Variants in PARD3B observed in about 807,000 individuals in gnomAD.
PARD3B encodes the protein par-3 family cell polarity regulator beta.
Under a neutral mutation model 130.2 loss-of-function variants are expected in PARD3B, and 103 were observed. That is an observed-to-expected ratio of 0.79 (90% confidence interval 0.67 to 0.93). The LOEUF (loss-of-function observed/expected upper bound fraction) is 0.93. Among genes scored for constraint, PARD3B ranks in the 40% least tolerant of loss-of-function variants. PARD3B has a pLI of 0.00. For missense variants in PARD3B, 1,609 were observed against 1,499.2 expected (o/e 1.07, Z -1.21); for synonymous variants, 583 against 553.2 (o/e 1.05, Z -0.76).
chr2:205,206,356 TCCCTCCC>T (rs1412702367), intron 15 of PARD3B, among the ~76,000 whole-genome samples: 1 of 140,786 alleles, frequency 7.1e-6, no homozygotes, highest in Non-Finnish European at 1.5e-5. Flanking sequence ...CCCGATGCTA[TCCCTCCC>T]CCCTCCCCCA....
In PARD3B at chr2:205,176,340, C is replaced by T. The variant is rs1400775387; in HGVS notation, c.1792-105C>T. On this transcript the variant is annotated intron_variant, in intron 12 of 22. Transcript: ENST00000406610. This position sits in a 1 kb window ranked among gnomAD's most constrained non-coding sequence, Gnocchi z 5.3. Reference sequence around the variant, plus strand: ...CAGTTGAGGACTTAAGTGTAATAGACTCTTGAAAGACTATTCATACAGCGA... The same window carrying T: ...CAGTTGAGGACTTAAGTGTAATAGATTCTTGAAAGACTATTCATACAGCGA... 2.8e-5 allele frequency: 32 copies of T among 1,156,036 alleles called. No homozygotes were observed. In the East Asian group the frequency reaches 8.2e-4, roughly 30 times the overall value. 71.6% of individuals were successfully genotyped at this position (1,156,036 alleles called of 1,614,324 possible).
chr2:204,630,475 G>T (rs775709931), intron 1 of PARD3B, among the ~76,000 whole-genome samples: 9 of 151,940 alleles, frequency 5.9e-5, no homozygotes, highest in Non-Finnish European at 1.0e-4. Context: ...ATCTCATCTT[G>T]CATCTAGATA....
intron 1 of PARD3B, among the ~76,000 whole-genome samples, chr2:204,599,673 C>A (rs953039246): frequency 1.3e-5 from 2 of 151,680 alleles, no homozygotes; most frequent in East Asian, 1.9e-4. Context: ...CTCTTTGATA[C>A]ACTGATTTCC....
intron 1 of PARD3B, among the ~76,000 whole-genome samples, chr2:204,658,300 C>T (rs2035700810): frequency 6.6e-6 from 1 of 152,102 alleles, no homozygotes; most frequent in African/African-American, 2.4e-5. Flanking sequence ...GGATTGAGTA[C>T]TAGGCATGGA....
At chr2:205,384,942 A>G (rs1425702406) in intron 18 of PARD3B, among the ~76,000 whole-genome samples, 1 of 152,014 alleles carries the variant, frequency 6.6e-6, no homozygotes, top group Non-Finnish European at 1.5e-5. Context: ...AGAAACATTC[A>G]CTAGACTATA....
chr2:204,894,015 T>C (rs1480854384), intron 2 of PARD3B, among the ~76,000 whole-genome samples: 2 of 152,104 alleles, frequency 1.3e-5, no homozygotes, highest in African/African-American at 2.4e-5. Flanking sequence ...CTGTGTCCCT[T>C]TCAAAGACAC....
At chr2:205,331,829 C>G (rs1170979801) in intron 18 of PARD3B, among the ~76,000 whole-genome samples, 2 of 136,670 alleles carry the variant, frequency 1.5e-5, no homozygotes, top group Non-Finnish European at 3.1e-5. Context: ...TATATTTGGC[C>G]AGGCACAGTG....
intron 2 of PARD3B, among the ~76,000 whole-genome samples, chr2:204,796,052 A>AGGT (rs1172419528): frequency 5.9e-5 from 9 of 152,218 alleles, no homozygotes; most frequent in African/African-American, 1.9e-4. Context: ...ATAGAACAGA[A>AGGT]GGTAGGGCAT....
At position 204,715,718 on chromosome 2, in the gene PARD3B, G is replaced by T. The variant is rs367828301; in HGVS notation, c.222+29436G>T. ...CTGCTTGGCTCTTTGCAGCCTAATTGAGGCATCTGCTTACTGCTGACCTTT... is the reference window on the plus strand; with the variant it reads ...CTGCTTGGCTCTTTGCAGCCTAATTTAGGCATCTGCTTACTGCTGACCTTT... On this transcript the variant is annotated intron_variant, in intron 2 of 22. Transcript: ENST00000406610. Among the ~76,000 whole-genome samples the T allele has an allele frequency of 5.3e-5, 8 of 152,198 alleles. No individual in the cohort carries two copies. In the East Asian group the frequency reaches 1.2e-3, roughly 22 times the overall value.
At chr2:204,849,367 C>T (rs559974778) in intron 2 of PARD3B, among the ~76,000 whole-genome samples, 1 of 152,276 alleles carries the variant, frequency 6.6e-6, no homozygotes, top group South Asian at 2.1e-4. Flanking sequence ...GTAATTAAGA[C>T]TTCTAACAGC....
At chr2:204,553,832 T>C (rs1574450780) in intron 1 of PARD3B, among the ~76,000 whole-genome samples, 2 of 151,260 alleles carry the variant, frequency 1.3e-5, no homozygotes, top group East Asian at 3.9e-4. Flanking sequence ...AAACATTGTA[T>C]GTTCTCACTC....
At chr2:205,354,291 C>CCT (rs1340685573) in intron 18 of PARD3B, among the ~76,000 whole-genome samples, 6 of 151,840 alleles carry the variant, frequency 4.0e-5, no homozygotes, top group Admixed American at 6.6e-5. Context: ...GTTCAGTTAC[C>CCT]GGTCAGGGAA....
intron 3 of PARD3B, among the ~76,000 whole-genome samples, chr2:205,027,998 G>A (rs977375099): frequency 4.6e-5 from 7 of 151,960 alleles, no homozygotes; most frequent in African/African-American, 1.4e-4. Flanking sequence ...TTTAAAATCA[G>A]GGTATGATGC....
chr2:204,673,261 CT>C lies in PARD3B; in HGVS notation c.121-12917del, dbSNP rs1282214863. On this transcript the variant is annotated intron_variant, in intron 1 of 22. Transcript: ENST00000406610. This position sits in a 1 kb window ranked among gnomAD's most constrained non-coding sequence, Gnocchi z 4.7. ...ATAACATGTAAGTCCCTTCTTCTTC[CT>C]TTCTAGAAGTATTTTCTTTTAAAAG... is the stretch of plus-strand genomic sequence containing the variant. Among the ~76,000 whole-genome samples the C allele has an allele frequency of 2.7e-4, 41 of 152,156 alleles. No individual in the cohort carries two copies. Among genetic ancestry groups the C allele is most frequent in the Admixed American group, 2.7e-3 (41 of 15,266 alleles).
rs893759176 is a variant in PARD3B, at chr2:204,604,556, G to A, written c.120+58437G>A. Among the ~76,000 whole-genome samples the A allele has an allele frequency of 2.6e-5, 4 of 152,052 alleles. No homozygotes were observed. In the South Asian group the frequency reaches 8.3e-4, roughly 32 times the overall value. On this transcript the variant is annotated intron_variant, in intron 1 of 22. Transcript: ENST00000406610. Reference sequence around the variant, plus strand: ...CGCTGAGATTAAAAAAATTTATGTAGGTTTTGAACTTCTAAAATGACTGAG... The same window carrying A: ...CGCTGAGATTAAAAAAATTTATGTAAGTTTTGAACTTCTAAAATGACTGAG...
chr2:204,977,743 C>T (rs531343013), intron 3 of PARD3B, among the ~76,000 whole-genome samples: 289 of 131,718 alleles, frequency 2.2e-3, no homozygotes, highest in African/African-American at 7.8e-3. Context: ...GCCCGGGAGG[C>T]GGAGCTTGCA....
chr2:205,468,896 A>C (rs1190072762), intron 20 of PARD3B, among the ~76,000 whole-genome samples: 1 of 151,946 alleles, frequency 6.6e-6, no homozygotes, highest in African/African-American at 2.4e-5. Context: ...CAATTTTCTG[A>C]GGAGACCAAC....
intron 12 of PARD3B, among the ~76,000 whole-genome samples, chr2:205,175,490 A>C (rs1336709164): frequency 6.6e-6 from 1 of 152,230 alleles, no homozygotes; most frequent in African/African-American, 2.4e-5. Context: ...CTAGCTCAAC[A>C]CTGAATTTTT....
intron 15 of PARD3B, among the ~76,000 whole-genome samples, chr2:205,237,361 C>G (rs895718818): frequency 6.6e-6 from 1 of 152,198 alleles, no homozygotes; most frequent in African/African-American, 2.4e-5. Context: ...CTCGGCCTCC[C>G]AAAGTGTAGG....
Sources: allele counts gnomAD v4.1 joint callset (sites outside exome capture counted in the v4.1 genomes callset), GRCh38; gene constraint gnomAD v4.1.1; non-coding constraint Gnocchi (gnomAD v3.1); transcripts MANE v1.5; gene names NCBI Gene and HGNC (gene_info 2026-07-23, HGNC 2026-07-21).